Variants in KLRG1 observed in about 807,000 individuals in gnomAD.
The protein encoded by KLRG1 is killer cell lectin like receptor G1.
Under a neutral mutation model 21.8 loss-of-function variants are expected in KLRG1, and 16 were observed. The ratio of observed to expected loss-of-function variants is 0.73; its 90% CI spans 0.50 to 1.11. The LOEUF (loss-of-function observed/expected upper bound fraction) is 1.11, where lower values mean the gene tolerates loss of function less well. Ranked by LOEUF, KLRG1 falls within the 50% of genes most tolerant of loss-of-function variation. The pLI is 0.00. For missense variants in KLRG1, 173 were observed against 218.3 expected (o/e 0.79, Z 1.31); for synonymous variants, 69 against 75.9 (o/e 0.91, Z 0.47).
the KLRG1 span, chr12:9,095,178 T>G: frequency 1.6e-6 from 1 of 623,332 alleles, no homozygotes. Flanking sequence ...AGCAATCCAG[T>G]TAACTTAAAT....
intron 2 of KLRG1, 21 bp from the exon 3 acceptor site, chr12:8,995,098 C>G: frequency 6.4e-7 from 1 of 1,563,246 alleles, no homozygotes; most frequent in South Asian, 1.2e-5. Flanking sequence ...AAGATGTGAA[C>G]CAGGTCCTCT....
the KLRG1 span, among the ~76,000 whole-genome samples, chr12:9,187,233 C>T: frequency 6.6e-6 from 1 of 152,240 alleles, no homozygotes; most frequent in East Asian, 1.9e-4. Flanking sequence ...CAGACTCCCA[C>T]ACAATAATAT....
At chr12:9,118,930 C>T in the KLRG1 span, among the ~76,000 whole-genome samples, 1 of 152,078 alleles carries the variant, frequency 6.6e-6, no homozygotes, top group African/African-American at 2.4e-5. Flanking sequence ...AGAAAAAGAG[C>T]CCAAGACAGA....
the KLRG1 span, chr12:9,076,762 T>C: frequency 6.2e-7 from 1 of 1,613,906 alleles, no homozygotes; most frequent in Non-Finnish European, 8.5e-7. Context: ...TCACCTTTCT[T>C]CACAGCTTCC....
intron 1 of KLRG1, among the ~76,000 whole-genome samples, chr12:8,960,277 A>T (rs1185606553): frequency 6.6e-6 from 1 of 152,112 alleles, no homozygotes; most frequent in Non-Finnish European, 1.5e-5. Flanking sequence ...TGAGAAGACT[A>T]AGGCAAAGAC....
At chr12:8,955,498 C>T (rs1336853486) in intron 1 of KLRG1, among the ~76,000 whole-genome samples, 2 of 131,990 alleles carry the variant, frequency 1.5e-5, no homozygotes, top group Non-Finnish European at 3.4e-5. Flanking sequence ...TCAAATGATC[C>T]TCCCAGCTAG....
the KLRG1 span, among the ~76,000 whole-genome samples, chr12:9,046,457 T>C: frequency 6.6e-6 from 1 of 152,178 alleles, no homozygotes; most frequent in Non-Finnish European, 1.5e-5. Context: ...AAGCATGTTA[T>C]GATCAAACTG....
chr12:9,185,636 A>G, the KLRG1 span, among the ~76,000 whole-genome samples: 1 of 146,576 alleles, frequency 6.8e-6, no homozygotes, highest in Non-Finnish European at 1.5e-5. Context: ...CAATCATCAG[A>G]TTCACCAAGG....
chr12:8,995,357 T>A, intron 3 of KLRG1, 69 bp downstream of exon 3: 1 of 1,319,014 alleles, frequency 7.6e-7, no homozygotes, highest in Non-Finnish European at 1.1e-6. Flanking sequence ...AACTGCTATT[T>A]AAATGTATCA....
the KLRG1 span, among the ~76,000 whole-genome samples, chr12:9,114,799 GT>G: frequency 8.5e-5 from 13 of 152,052 alleles, no homozygotes; most frequent in Admixed American, 8.5e-4. Context: ...TAAATAGAAT[GT>G]AACCATAAAT....
the KLRG1 span, chr12:9,165,410 G>A: frequency 6.2e-7 from 1 of 1,605,110 alleles, no homozygotes; most frequent in Non-Finnish European, 8.5e-7. Flanking sequence ...ATGAATGTAA[G>A]CCACCTTTTC....
the KLRG1 span, among the ~76,000 whole-genome samples, chr12:9,108,431 A>G: frequency 6.6e-6 from 1 of 152,146 alleles, no homozygotes; most frequent in Non-Finnish European, 1.5e-5. Flanking sequence ...GGGCCTGTTT[A>G]CTTTTTTACA....
At chr12:9,122,305 T>C in the KLRG1 span, among the ~76,000 whole-genome samples, 5 of 152,210 alleles carry the variant, frequency 3.3e-5, no homozygotes, top group Non-Finnish European at 7.3e-5. Context: ...TTGCACAAGG[T>C]TGGTTCATGA....
chr12:9,066,748 C>G, the KLRG1 span: 7 of 152,232 alleles, frequency 4.6e-5, no homozygotes, highest in Non-Finnish European at 8.8e-5. Flanking sequence ...AGCCTGGAGA[C>G]AGAGCTAAGG....
the KLRG1 span, chr12:9,157,252 T>G: frequency 1.2e-6 from 2 of 1,614,190 alleles, no homozygotes; most frequent in Non-Finnish European, 1.7e-6. Context: ...GGAAAAAGCA[T>G]AGGCCAGCAA....
At chr12:9,157,429 C>A in the KLRG1 span, 1 of 1,365,632 alleles carries the variant, frequency 7.3e-7, no homozygotes, top group East Asian at 2.3e-5. Flanking sequence ...TGGATATTGA[C>A]AGTCAGATGT....
chr12:9,153,883 A>T, the KLRG1 span, among the ~76,000 whole-genome samples: 1 of 152,234 alleles, frequency 6.6e-6, no homozygotes, highest in East Asian at 1.9e-4. Flanking sequence ...GTTTAATACA[A>T]TCATTTATAC....
the KLRG1 span, chr12:9,109,499 T>G: frequency 1.1e-6 from 1 of 922,770 alleles, no homozygotes; most frequent in East Asian, 2.6e-5. Context: ...CTAATAATAT[T>G]TTAGGGCTCT....
chr12:8,964,797 T>C (rs1316545951), intron 1 of KLRG1, among the ~76,000 whole-genome samples: 83 of 150,976 alleles, frequency 5.5e-4, no homozygotes, highest in African/African-American at 1.5e-3. Context: ...GTAATGGCCT[T>C]CTTTGTCTCT....
Sources: allele counts gnomAD v4.1 joint callset (sites outside exome capture counted in the v4.1 genomes callset), GRCh38; gene constraint gnomAD v4.1.1; transcripts MANE v1.5; gene names NCBI Gene and HGNC (gene_info 2026-07-23, HGNC 2026-07-21).